The following BCAS3 variants were observed in gnomAD, a reference collection of about 807,000 sequenced individuals.
BCAS3 encodes BCAS3 microtubule associated cell migration factor, also known as BCAS4/BCAS3 fusion.
BCAS3 carries 53 observed loss-of-function variants against 116.1 expected under a neutral mutation model. The ratio of observed to expected loss-of-function variants is 0.46; its 90% CI spans 0.37 to 0.57. The LOEUF is 0.57. BCAS3 is among the 20% of genes least tolerant of loss of function. The pLI, the probability that BCAS3 is intolerant of heterozygous loss-of-function variation, is 0.00. For missense variants in BCAS3, 917 were observed against 1,165.4 expected, an observed-to-expected ratio of 0.79 and a Z score of 3.10; for synonymous variants, 391 against 408.2, an observed-to-expected ratio of 0.96 and a Z score of 0.51.
At chr17:60,820,448 A>T (rs1289015580) in intron 7 of BCAS3, among the ~76,000 whole-genome samples, 1 of 152,198 alleles carries the variant, frequency 6.6e-6, no homozygotes, top group Non-Finnish European at 1.5e-5. Context: ...GATGCAATTC[A>T]TAGGATATGG....
At chr17:61,246,284 C>T (rs1156322002) in intron 22 of BCAS3, among the ~76,000 whole-genome samples, 1 of 151,712 alleles carries the variant, frequency 6.6e-6, no homozygotes, top group African/African-American at 2.4e-5. Flanking sequence ...AGTTCAAGAC[C>T]AGCCTGGGCA....
At position 61,017,198 on chromosome 17, in the gene BCAS3, T is replaced by A. The variant is rs901372155; in HGVS notation, c.1637+1297T>A. 2.0e-5 allele frequency: 3 copies of A among 152,214 alleles called. No homozygotes were observed. Among genetic ancestry groups the A allele is most frequent in the African/African-American group, 7.2e-5 (3 of 41,454 alleles). The allele number at this position is 152,214 out of a possible 1,614,324, so 9.4% of individuals were successfully genotyped here. ...AGTTTATTTTAAAATAATTTAAGAA[T>A]AATGGCTGTGAATAATGAAGAGGTT... On this transcript the variant is annotated intron_variant, in intron 16 of 23. Coordinates refer to ENST00000407086, the MANE Select transcript of BCAS3 (RefSeq NM_017679.5). This position sits in a 1 kb window ranked among gnomAD's most constrained non-coding sequence, Gnocchi z 4.7.
intron 7 of BCAS3, among the ~76,000 whole-genome samples, chr17:60,820,196 T>C (rs2144677322): frequency 1.3e-5 from 2 of 152,002 alleles, no homozygotes. Context: ...GCCTCCCGAG[T>C]AGCTGGGACT....
intron 22 of BCAS3, among the ~76,000 whole-genome samples, chr17:61,218,643 T>C (rs375004076): frequency 9.2e-5 from 14 of 152,342 alleles, no homozygotes; most frequent in African/African-American, 3.1e-4. Context: ...GCTGATGGGC[T>C]GAACATCTCC....
In BCAS3 at chr17:61,037,926, T is replaced by C; in HGVS notation, c.1800T>C (p.Ile600=). The stretch of plus-strand genomic sequence containing the variant: ...AAGTTGTAGTTGAGTCCCTGTACAT[T>C]ATCAGTTGCTATGGCACCTTAGTGG... ...SKQVVVESLY[I]ISCYGTLVEH... Residue 600 remains isoleucine, a synonymous_variant, in exon 18 of 24, where the codon ATT becomes ATC. Coordinates refer to ENST00000407086, the MANE Select transcript of BCAS3 (RefSeq NM_017679.5). This position sits in a 1 kb window ranked among gnomAD's most constrained non-coding sequence, Gnocchi z 4.7. 1 of 1,614,106 alleles carries C rather than the reference T, an allele frequency of 6.2e-7. No individual in the cohort carries two copies. The highest frequency in any genetic ancestry group is 8.5e-7 in the Non-Finnish European group (1 of 1,179,980).
At chr17:60,798,765 C>T (rs988025293) in intron 6 of BCAS3, among the ~76,000 whole-genome samples, 4 of 152,188 alleles carry the variant, frequency 2.6e-5, no homozygotes, top group Admixed American at 2.6e-4. Flanking sequence ...CTGCCAAACT[C>T]CTCCAATGGG....
chr17:61,166,719 G>A (rs2078528550), intron 22 of BCAS3, among the ~76,000 whole-genome samples: 1 of 151,836 alleles, frequency 6.6e-6, no homozygotes, highest in South Asian at 2.1e-4. Context: ...TTATTTTTTA[G>A]TTTTTATTTT....
chr17:61,263,078 T>C (rs1396827564), intron 22 of BCAS3, among the ~76,000 whole-genome samples: 1 of 152,190 alleles, frequency 6.6e-6, no homozygotes, highest in Non-Finnish European at 1.5e-5. Flanking sequence ...CTAAGAAGTT[T>C]TGAATTACTC....
chr17:61,271,424 A>ATTTTTTTTTTTATTTTT (rs2050246694), intron 22 of BCAS3, among the ~76,000 whole-genome samples: 1 of 70,226 alleles, frequency 1.4e-5, no homozygotes, highest in African/African-American at 5.6e-5. Flanking sequence ...CCATGCCCGG[A>ATTTTTTTTTTTATTTTT]TTTTTTTTTT....
rs1455147630 is a variant in BCAS3, at chr17:61,023,633, C to T, written c.1637+7732C>T. Among the ~76,000 whole-genome samples, 1 of 152,070 alleles carries T rather than the reference C, an allele frequency of 6.6e-6. No homozygotes were observed. The highest frequency in any genetic ancestry group is 2.4e-5 in the African/African-American group (1 of 41,408). ...TTGAAGACTTTGTGGCACCATGTGG[C>T]ATTCAACAAAATGAATCAGTTGAAT... On this transcript the variant is annotated intron_variant, in intron 16 of 23. Coordinates refer to ENST00000407086, the MANE Select transcript of BCAS3 (RefSeq NM_017679.5). The surrounding 1 kb of genome is among the most constrained non-coding windows in gnomAD (Gnocchi z 4.8).
At chr17:61,317,705 A>G (rs79268607) in intron 22 of BCAS3, among the ~76,000 whole-genome samples, 9,165 of 152,258 alleles carry the variant, frequency 0.06, 841 homozygotes, top group African/African-American at 0.19. Context: ...GTAGTTGGCA[A>G]GGTAAGTAGG....
intron 22 of BCAS3, among the ~76,000 whole-genome samples, chr17:61,298,548 G>A (rs573770070): frequency 2.6e-5 from 4 of 152,172 alleles, no homozygotes; most frequent in Non-Finnish European, 4.4e-5. Context: ...ATCACTCTCC[G>A]TGTGAGTTGA....
At chr17:61,121,677 T>G (rs2075795572) in intron 22 of BCAS3, among the ~76,000 whole-genome samples, 1 of 152,268 alleles carries the variant, frequency 6.6e-6, no homozygotes, top group Admixed American at 6.5e-5. Context: ...TTAAAGTTTT[T>G]CCAAAGTTTT....
chr17:61,240,050 T>G (rs1241356469), intron 22 of BCAS3, among the ~76,000 whole-genome samples: 1 of 152,170 alleles, frequency 6.6e-6, no homozygotes, highest in Non-Finnish European at 1.5e-5. Flanking sequence ...TGACAGGTGT[T>G]TTGGTGAAGA....
chr17:60,716,841 C>T (rs1166115737), intron 5 of BCAS3, among the ~76,000 whole-genome samples: 1 of 152,142 alleles, frequency 6.6e-6, no homozygotes, highest in Non-Finnish European at 1.5e-5. Context: ...GTCAGTTATA[C>T]TTACCCCATA....
intron 3 of BCAS3, among the ~76,000 whole-genome samples, chr17:60,686,724 C>T (rs1156995833): frequency 6.6e-6 from 1 of 152,094 alleles, no homozygotes; most frequent in East Asian, 1.9e-4. Flanking sequence ...CGGGGTTTCA[C>T]CATGTTAGCC....
In BCAS3 at chr17:61,132,536, A is replaced by G. The variant is rs2076396237; in HGVS notation, c.2425+47972A>G. 6.6e-6 allele frequency among the ~76,000 whole-genome samples: 1 copy of G among 152,212 alleles called. No individual in the cohort carries two copies. The highest frequency in any genetic ancestry group is 2.4e-5 in the African/African-American group (1 of 41,454). On this transcript the variant is annotated intron_variant, in intron 22 of 23. Coordinates refer to ENST00000407086, the MANE Select transcript of BCAS3 (RefSeq NM_017679.5). The surrounding 1 kb of genome is among the most constrained non-coding windows in gnomAD (Gnocchi z 5.1). ...ATTGGAATAAATGGTAAGAATATAG[A>G]TTGTTTGTGCCGGGCTTATACAATG...
intron 15 of BCAS3, among the ~76,000 whole-genome samples, chr17:60,998,199 A>G (rs745981505): frequency 7.9e-5 from 12 of 152,224 alleles, no homozygotes; most frequent in Non-Finnish European, 1.3e-4. Context: ...ATGGCTGCAT[A>G]GTATTCCGTC....
intron 7 of BCAS3, among the ~76,000 whole-genome samples, chr17:60,823,979 A>C (rs945811753): frequency 1.1e-4 from 16 of 152,226 alleles, no homozygotes; most frequent in African/African-American, 3.9e-4. Context: ...ACTACCTTCC[A>C]AAATATGACT....
Sources: gnomAD v4.1 joint callset for allele counts (sites outside exome capture counted in the v4.1 genomes callset) on GRCh38, gnomAD v4.1.1 for gene constraint, Gnocchi (gnomAD v3.1) non-coding constraint, MANE v1.5 for transcripts, NCBI Gene and HGNC (gene_info 2026-07-23, HGNC 2026-07-21) for gene names.